RFTN1: variants seen among roughly 807,000 people sequenced by gnomAD.
RFTN1 encodes raftlin, lipid raft linker 1.
In RFTN1, 26 loss-of-function variants were observed where a neutral mutation model predicts 46.5. The ratio of observed to expected loss-of-function variants is 0.56; its 90% CI spans 0.41 to 0.78. The LOEUF (loss-of-function observed/expected upper bound fraction) is 0.78, where lower values mean the gene tolerates loss of function less well. RFTN1 is among the 30% of genes least tolerant of loss of function. The pLI is 0.00. For synonymous variants in RFTN1, 261 were observed against 284.2 expected, an observed-to-expected ratio of 0.92 and a Z score of 0.82; for missense variants, 693 against 718.7, an observed-to-expected ratio of 0.96 and a Z score of 0.41.
In RFTN1 at chr3:16,433,702, C is replaced by G. The variant is rs545799738; in HGVS notation, c.332+149G>C. Reference sequence around the variant, plus strand: ...CTAGGAAAGAAACCTCTCTGGTTGTCTAACTGTTTGCCTCACCTGTCTGAG... The same window carrying G: ...CTAGGAAAGAAACCTCTCTGGTTGTGTAACTGTTTGCCTCACCTGTCTGAG... On this transcript the variant is annotated intron_variant, in intron 3 of 9. Transcript: ENST00000334133. This position sits in a 1 kb window ranked among gnomAD's most constrained non-coding sequence, Gnocchi z 4.4. 1.3e-6 allele frequency: 1 copy of G among 760,102 alleles called. No homozygotes were observed. Among genetic ancestry groups the G allele is most frequent in the Non-Finnish European group, 2.2e-6 (1 of 446,646 alleles). 47.1% of individuals were successfully genotyped at this position (760,102 alleles called of 1,614,324 possible).
intron 4 of RFTN1, among the ~76,000 whole-genome samples, chr3:16,379,752 AT>A (rs772727349): frequency 6.6e-6 from 1 of 152,212 alleles, no homozygotes; most frequent in Non-Finnish European, 1.5e-5. Context: ...CATTCTGAAA[AT>A]TTTTTCCCTC....
chr3:16,470,906 TAACA>T (rs1157894624), intron 2 of RFTN1, among the ~76,000 whole-genome samples: 45 of 152,220 alleles, frequency 3.0e-4, no homozygotes, highest in Admixed American at 2.8e-3. Flanking sequence ...GTGCTAGAAT[TAACA>T]AACAAGAATT....
rs2073463081 is a variant in RFTN1 at position 16,370,747 on chromosome 3, T to C, written c.827-468A>G. 1 of 159,696 alleles carries C rather than the reference T, an allele frequency of 6.3e-6. No individual in the cohort carries two copies. The highest frequency in any genetic ancestry group is 1.4e-5 in the Non-Finnish European group (1 of 72,142). 9.9% of individuals were successfully genotyped at this position (159,696 alleles called of 1,614,324 possible). A position where few individuals can be genotyped will look rare whatever the true frequency, so the allele number is the denominator to read the frequency against. ...CCTTGTACACTCCTGAACTCACTATTTATAAACTGCAGTAGTGTTTCCTGG... is the reference window on the plus strand; with the variant it reads ...CCTTGTACACTCCTGAACTCACTATCTATAAACTGCAGTAGTGTTTCCTGG... On this transcript the variant is annotated intron_variant, in intron 5 of 9. Coordinates refer to ENST00000334133, the MANE Select transcript of RFTN1 (RefSeq NM_015150.2). This position sits in a 1 kb window ranked among gnomAD's most constrained non-coding sequence, Gnocchi z 5.5.
intron 9 of RFTN1, among the ~76,000 whole-genome samples, chr3:16,323,107 T>A (rs1271585711): frequency 6.6e-6 from 1 of 152,152 alleles, no homozygotes; most frequent in African/African-American, 2.4e-5. Context: ...AGTGGGAATA[T>A]CTAGCAGGCT....
At chr3:16,508,687 C>A (rs1364122093) in intron 1 of RFTN1, among the ~76,000 whole-genome samples, 2 of 100,186 alleles carry the variant, frequency 2.0e-5, no homozygotes, top group Non-Finnish European at 3.7e-5. Context: ...AAGGAAAGAT[C>A]ACACGCACGC....
chr3:16,371,756 C>T (rs555719373), intron 5 of RFTN1, among the ~76,000 whole-genome samples: 50 of 152,346 alleles, frequency 3.3e-4, no homozygotes, highest in African/African-American at 1.2e-3. Flanking sequence ...GCCTGTTCAT[C>T]ATCCCCACGC....
chr3:16,324,893 C>T (rs539420889), intron 8 of RFTN1, among the ~76,000 whole-genome samples: 53 of 151,928 alleles, frequency 3.5e-4, no homozygotes, highest in African/African-American at 1.2e-3. Context: ...TTCTGAGAAA[C>T]CTCTGTACTA....
At chr3:16,324,701 A>C (rs2069517452) in intron 8 of RFTN1, among the ~76,000 whole-genome samples, 1 of 101,498 alleles carries the variant, frequency 9.9e-6, no homozygotes, top group Non-Finnish European at 2.1e-5. Flanking sequence ...ATATATATAT[A>C]TCACATTTTC....
Position 16,377,742 on chromosome 3 carries a change from C to T in RFTN1, c.802G>A (p.Val268Met), listed in dbSNP as rs1220856987. 4 of 1,605,748 alleles carry T rather than the reference C, an allele frequency of 2.5e-6. No homozygotes were observed. The South Asian group carries it at 3.3e-5, about 13-fold the overall frequency. ...CTCCCTGAGAGTGGCTCTTCATGCA[C>T]CTCCAAGGGGTTGCTCTCCGGTCCA... ...LDGPESNPLE[V>M]HEEPLSGKME... Residue 268 changes from valine (V) to methionine (M), a missense_variant, in exon 5 of 10, where the codon GTG becomes ATG. Coordinates refer to ENST00000334133, the MANE Select transcript of RFTN1 (RefSeq NM_015150.2).
Position 16,504,934 on chromosome 3 carries a change from TCCCAACATCCAGG to T in RFTN1, c.-9+8495_-9+8507del, listed in dbSNP as rs2125010141. ...TCGTCTCTGGGTGGTACCACTGCCCTCCCAACATCCAGGCCCAAAACCCCAGTATCAGCCTGCT... is the reference window on the plus strand; with the variant it reads ...TCGTCTCTGGGTGGTACCACTGCCCTCCCAAAACCCCAGTATCAGCCTGCT... On this transcript the variant is annotated intron_variant, in intron 1 of 9. Coordinates refer to ENST00000334133, the MANE Select transcript of RFTN1 (RefSeq NM_015150.2). The surrounding 1 kb of genome is among the most constrained non-coding windows in gnomAD (Gnocchi z 4.4). Among the ~76,000 whole-genome samples, 1 of 152,232 alleles carries T rather than the reference TCCCAACATCCAGG, an allele frequency of 6.6e-6. No homozygotes were observed. The highest frequency in any genetic ancestry group is 1.5e-5 in the Non-Finnish European group (1 of 68,014).
rs1303016971 is a variant in RFTN1 at position 16,326,811 on chromosome 3, G to A, written c.1212C>T (p.Leu404=). The change falls in exon 8 of 10, where the codon CTC becomes CTT. Residue 404 remains leucine, a synonymous_variant. Coordinates refer to ENST00000334133, the MANE Select transcript of RFTN1 (RefSeq NM_015150.2). ...CGACGGGAGTTGGTAGCACACAGGT[G>A]AGCTGCCAGCCATAGGCCGCCAGCG... ...LNSLAAYGWQ[L]TCVLPTPVVK... 5 of 1,614,036 alleles carry A rather than the reference G, an allele frequency of 3.1e-6. No homozygotes were observed. The highest frequency in any genetic ancestry group is 4.2e-6 in the Non-Finnish European group (5 of 1,180,000).
At chr3:16,404,264 ATAATATATATAATATG>A (rs2074769347) in intron 4 of RFTN1, among the ~76,000 whole-genome samples, 1 of 14,718 alleles carries the variant, frequency 6.8e-5, no homozygotes, top group African/African-American at 4.0e-4. Flanking sequence ...TATATAATAT[ATAATATATATAATATG>A]TAATATATAA....
intron 4 of RFTN1, among the ~76,000 whole-genome samples, chr3:16,395,432 A>C (rs2125410674): frequency 1.3e-5 from 2 of 151,322 alleles, no homozygotes; most frequent in South Asian, 4.2e-4. Flanking sequence ...ACGACTCATG[A>C]GACCAAGGAG....
rs2470506 is a variant in RFTN1, at chr3:16,380,166, C to T, written c.442-2064G>A. Among the ~76,000 whole-genome samples the T allele has an allele frequency of 0.7, 107,105 of 152,158 alleles. 38,161 individuals are homozygous for T. The highest frequency in any genetic ancestry group is 0.76 in the African/African-American group (31,662 of 41,532). On this transcript the variant is annotated intron_variant, in intron 4 of 9. Coordinates refer to ENST00000334133, the MANE Select transcript of RFTN1 (RefSeq NM_015150.2). This position sits in a 1 kb window ranked among gnomAD's most constrained non-coding sequence, Gnocchi z 4.8. ...AAGGCCTGATGTGGAGCCCCAGATA[C>T]GTGACTCACCATCTTGAGGAACCAG...
chr3:16,323,583 G>C (rs1247715029), intron 8 of RFTN1, 126 bp from the exon 9 acceptor site: 4 of 640,290 alleles, frequency 6.2e-6, no homozygotes, highest in African/African-American at 5.6e-5. Flanking sequence ...GGTTAGAAGA[G>C]ACGCCTGCTC....
At position 16,316,578 on chromosome 3, in the gene RFTN1, G is replaced by C; in HGVS notation, c.*250C>G. The C allele has an allele frequency of 5.5e-6, 3 of 540,922 alleles. No homozygotes were observed. The South Asian group carries it at 6.1e-5, about 11-fold the overall frequency. 33.5% of individuals were successfully genotyped at this position (540,922 alleles called of 1,614,324 possible). A position where few individuals can be genotyped will look rare whatever the true frequency, so the allele number is the denominator to read the frequency against. On this transcript the variant is annotated 3_prime_UTR_variant, in exon 10 of 10. Transcript: ENST00000334133. The surrounding 1 kb of genome is among the most constrained non-coding windows in gnomAD (Gnocchi z 4.5). Reference sequence around the variant, plus strand: ...GCCAGGACTGGGCCTTCAGCCATGAGGGCTAGAATAACCTGACCTCTTGCA... The same window carrying C: ...GCCAGGACTGGGCCTTCAGCCATGACGGCTAGAATAACCTGACCTCTTGCA...
intron 2 of RFTN1, among the ~76,000 whole-genome samples, chr3:16,467,563 A>G (rs1212982339): frequency 1.3e-5 from 2 of 152,182 alleles, no homozygotes; most frequent in African/African-American, 4.8e-5. Context: ...GCCTTCTGTA[A>G]GAGAGTGGGC....
At chr3:16,390,812 T>A (rs1040754818) in intron 4 of RFTN1, among the ~76,000 whole-genome samples, 12 of 152,188 alleles carry the variant, frequency 7.9e-5, no homozygotes, top group African/African-American at 2.9e-4. Flanking sequence ...TCATTCAAAC[T>A]GGGAAGTCAT....
At chr3:16,495,251 G>T (rs927799036) in intron 1 of RFTN1, among the ~76,000 whole-genome samples, 2 of 152,210 alleles carry the variant, frequency 1.3e-5, no homozygotes, top group Admixed American at 1.3e-4. Context: ...TATGTAAAAG[G>T]CTGCATATTT....
Sources: allele counts gnomAD v4.1 joint callset (sites outside exome capture counted in the v4.1 genomes callset), GRCh38; gene constraint gnomAD v4.1.1; non-coding constraint Gnocchi (gnomAD v3.1); transcripts MANE v1.5; gene names NCBI Gene and HGNC (gene_info 2026-07-23, HGNC 2026-07-21).